Variants in PKP2 observed in about 807,000 individuals in gnomAD.
PKP2 encodes the protein plakophilin-2.
A neutral mutation model predicts 83.4 loss-of-function variants in PKP2; 73 were observed. The ratio of observed to expected loss-of-function variants is 0.88; its 90% confidence interval spans 0.72 to 1.06. The LOEUF is 1.06. Ranked by LOEUF, PKP2 falls within the 50% of genes least tolerant of loss-of-function variation. PKP2 has a pLI of 0.00. For synonymous variants in PKP2, 409 were observed against 430.4 expected (o/e 0.95, Z 0.62); for missense variants, 966 against 1,065.4 (o/e 0.91, Z 1.30).
intron 5 of PKP2, among the ~76,000 whole-genome samples, chr12:32,848,266 T>C (rs972571352): frequency 3.3e-5 from 5 of 151,862 alleles, no homozygotes; most frequent in Non-Finnish European, 7.4e-5. Flanking sequence ...CTACTAAAAA[T>C]ACAAAAAATT....
chr12:32,865,677 G>A (rs1006349072), intron 4 of PKP2, among the ~76,000 whole-genome samples: 15 of 48,842 alleles, frequency 3.1e-4, no homozygotes, highest in Admixed American at 9.9e-4. Flanking sequence ...GAGTGACTCC[G>A]TCTCAAAAAA....
At chr12:32,881,046 A>C (rs1276245993) in intron 1 of PKP2, among the ~76,000 whole-genome samples, 1 of 152,196 alleles carries the variant, frequency 6.6e-6, no homozygotes, top group Non-Finnish European at 1.5e-5. Flanking sequence ...TTTCCAATAA[A>C]CTGTTATAAA....
At chr12:32,810,456 T>C (rs1192146692) in intron 9 of PKP2, among the ~76,000 whole-genome samples, 1 of 152,196 alleles carries the variant, frequency 6.6e-6, no homozygotes, top group Non-Finnish European at 1.5e-5. Context: ...GTGCCAGTCA[T>C]GCACACCTGT....
rs368895072 is a variant in PKP2, at chr12:32,852,134, G to A, written c.1171-1161C>T. On this transcript the variant is annotated intron_variant, in intron 4 of 12. Transcript: ENST00000340811. ...TCACATCTGATTTTGAAACTTTTAAGTTGCCAAGAGCTGTTGGTAAAGATC... is the reference window on the plus strand; with the variant it reads ...TCACATCTGATTTTGAAACTTTTAAATTGCCAAGAGCTGTTGGTAAAGATC... Among the ~76,000 whole-genome samples, 13 of 152,262 alleles carry A rather than the reference G, an allele frequency of 8.5e-5. No individual in the cohort carries two copies. The South Asian group carries it at 2.5e-3, about 29-fold the overall frequency.
chr12:32,823,761 C>T (rs1175206911), intron 7 of PKP2, among the ~76,000 whole-genome samples: 19 of 151,886 alleles, frequency 1.3e-4, no homozygotes, highest in Admixed American at 9.8e-4. Flanking sequence ...CCACCACGCC[C>T]GGCTATATTT....
intron 4 of PKP2, among the ~76,000 whole-genome samples, chr12:32,859,774 G>A (rs987449996): frequency 5.3e-5 from 8 of 151,782 alleles, no homozygotes; most frequent in African/African-American, 1.9e-4. Flanking sequence ...CTGTTTGATT[G>A]GACAACTATT....
In PKP2 at chr12:32,849,833, T is replaced by G. The variant is rs545523690; in HGVS notation, c.1378+933A>C. 6.6e-5 allele frequency among the ~76,000 whole-genome samples: 10 copies of G among 152,336 alleles called. No homozygotes were observed. The South Asian group carries it at 2.1e-3, about 32-fold the overall frequency. On this transcript the variant is annotated intron_variant, in intron 5 of 12. Transcript: ENST00000340811. Reference sequence around the variant, plus strand: ...CATATCCAGTTACTCTTTTCTTCTTTAAGGTTTCAGTGAGCTAAGGAGGTG... The same window carrying G: ...CATATCCAGTTACTCTTTTCTTCTTGAAGGTTTCAGTGAGCTAAGGAGGTG...
chr12:32,860,647 T>C lies in PKP2; in HGVS notation c.1170+8280A>G, dbSNP rs137995248. Among the ~76,000 whole-genome samples the C allele has an allele frequency of 9.3e-4, 141 of 152,306 alleles. 1 individual carries two copies. Among genetic ancestry groups the C allele is most frequent in the Middle Eastern group, 3.4e-3 (1 of 294 alleles). On this transcript the variant is annotated intron_variant, in intron 4 of 12. Coordinates refer to ENST00000340811, the MANE Select transcript of PKP2 (RefSeq NM_001005242.3). ...AAAACCTAGATGACAGGTTGATAGA[T>C]GCAGCAAACCACCATGGCACATGTA...
chr12:32,808,367 G>C (rs866606780), intron 9 of PKP2, among the ~76,000 whole-genome samples: 18 of 152,190 alleles, frequency 1.2e-4, no homozygotes, highest in Middle Eastern at 3.4e-3. Flanking sequence ...ATATTTTTCA[G>C]CTCCATCAAG....
At chr12:32,853,156 A>G (rs1203551192) in intron 4 of PKP2, among the ~76,000 whole-genome samples, 2 of 152,206 alleles carry the variant, frequency 1.3e-5, no homozygotes, top group African/African-American at 2.4e-5. Context: ...TATTCCTATT[A>G]CAGGCTAAGT....
At chr12:32,827,310 G>T (rs2137794273) in intron 6 of PKP2, among the ~76,000 whole-genome samples, 1 of 152,298 alleles carries the variant, frequency 6.6e-6, no homozygotes, top group African/African-American at 2.4e-5. Flanking sequence ...GACAGAAAGT[G>T]CATGGAACCC....
At chr12:32,840,536 T>C (rs998119410) in intron 6 of PKP2, among the ~76,000 whole-genome samples, 1 of 152,120 alleles carries the variant, frequency 6.6e-6, no homozygotes, top group Non-Finnish European at 1.5e-5. Context: ...TGACCTCAAC[T>C]GATCCTTCTG....
chr12:32,822,757 G>T, intron 7 of PKP2, 126 bp from the exon 8 acceptor site: 1 of 958,046 alleles, frequency 1.0e-6, no homozygotes, highest in Non-Finnish European at 1.6e-6. Context: ...TTAAACTGCG[G>T]GTTGCCTGGG....
intron 2 of PKP2, 50 bp from the exon 3 acceptor site, chr12:32,878,593 C>A: frequency 6.9e-7 from 1 of 1,458,074 alleles, no homozygotes; most frequent in Non-Finnish European, 9.5e-7. Context: ...CAAATTTCAA[C>A]TTTGCTGAGG....
At chr12:32,885,822 A>G (rs1342705862) in intron 1 of PKP2, among the ~76,000 whole-genome samples, 1 of 152,022 alleles carries the variant, frequency 6.6e-6, no homozygotes, top group Non-Finnish European at 1.5e-5. Context: ...AAAACCAACT[A>G]CAGTTTCTTT....
intron 4 of PKP2, among the ~76,000 whole-genome samples, chr12:32,853,690 T>C (rs561714709): frequency 6.6e-6 from 1 of 152,230 alleles, no homozygotes; most frequent in African/African-American, 2.4e-5. Context: ...TTTGTATTCT[T>C]AGTGGAGATG....
chr12:32,836,096 C>T lies in PKP2; in HGVS notation c.1556+4932G>A, dbSNP rs1488244581. ...GGAGTGTACAATTTATTTTCCTCTCCTATCTTGGATTTTCCCACTCATTAA... is the reference window on the plus strand; with the variant it reads ...GGAGTGTACAATTTATTTTCCTCTCTTATCTTGGATTTTCCCACTCATTAA... On this transcript the variant is annotated intron_variant, in intron 6 of 12. Transcript: ENST00000340811. 2.6e-5 allele frequency among the ~76,000 whole-genome samples: 4 copies of T among 152,196 alleles called. No homozygotes were observed. The East Asian group carries it at 7.7e-4, about 29-fold the overall frequency.
chr12:32,819,308 C>CAATAAAATAAAATAA lies in PKP2; in HGVS notation c.2013+2047_2013+2048insTTATTTTATTTTATT, dbSNP rs1271671020. 6.1e-3 allele frequency among the ~76,000 whole-genome samples: 425 copies of CAATAAAATAAAATAA among 69,380 alleles called. 5 individuals carry two copies. The highest frequency in any genetic ancestry group is 0.013 in the Non-Finnish European group (307 of 24,168). 45.5% of individuals were successfully genotyped at this position (69,380 alleles called of 152,430 possible). On this transcript the variant is annotated intron_variant, in intron 9 of 12. Coordinates refer to ENST00000340811, the MANE Select transcript of PKP2 (RefSeq NM_001005242.3). ...AAATACAATACAATACAATACAATACAATACAATAAAATAAAATAAAATAA... is the reference window on the plus strand; with the variant it reads ...AAATACAATACAATACAATACAATACAATAAAATAAAATAAAATACAATAAAATAAAATAAAATAA...
intron 4 of PKP2, among the ~76,000 whole-genome samples, chr12:32,860,387 C>T (rs1329369553): frequency 6.6e-6 from 1 of 152,162 alleles, no homozygotes; most frequent in African/African-American, 2.4e-5. Context: ...GGGAACAGCT[C>T]CTCATGTTCA....
Sources: gnomAD v4.1 joint callset for allele counts (sites outside exome capture counted in the v4.1 genomes callset) on GRCh38, gnomAD v4.1.1 for gene constraint, MANE v1.5 for transcripts, NCBI Gene and HGNC (gene_info 2026-07-23, HGNC 2026-07-21) for gene names.